CDC20B: variants seen among roughly 807,000 people sequenced by gnomAD.
The protein encoded by CDC20B is cell division cycle 20B.
CDC20B carries 58 observed loss-of-function variants against 64.1 expected under a neutral mutation model. That is an observed-to-expected ratio of 0.90 (90% confidence interval 0.73 to 1.13). The LOEUF (loss-of-function observed/expected upper bound fraction) is 1.13, where lower values mean the gene tolerates loss of function less well. Ranked by LOEUF, CDC20B falls within the 50% of genes most tolerant of loss-of-function variation. CDC20B has a pLI of 0.00. For missense variants in CDC20B, 597 were observed against 633.0 expected, an observed-to-expected ratio of 0.94 and a Z score of 0.61; for synonymous variants, 243 against 230.6, an observed-to-expected ratio of 1.05 and a Z score of -0.49.
intron 11 of CDC20B, among the ~76,000 whole-genome samples, 154 bp downstream of exon 11, chr5:55,119,647 C>T (rs1248789602): frequency 6.6e-6 from 1 of 152,164 alleles, no homozygotes; most frequent in Non-Finnish European, 1.5e-5. Flanking sequence ...CAACTATACG[C>T]TCTCTGAGGT....
intron 8 of CDC20B, among the ~76,000 whole-genome samples, chr5:55,126,896 T>G (rs1742906850): frequency 1.3e-5 from 2 of 152,244 alleles, no homozygotes; most frequent in Non-Finnish European, 2.9e-5. Flanking sequence ...CCCAGAGAGC[T>G]TAACATATTC....
intron 2 of CDC20B, among the ~76,000 whole-genome samples, chr5:55,155,798 C>A (rs1025451677): frequency 6.6e-6 from 1 of 152,200 alleles, no homozygotes; most frequent in Admixed American, 6.5e-5. Flanking sequence ...TAAGACTCTT[C>A]GCCTATCATC....
chr5:55,134,555 A>G (rs565155918), intron 5 of CDC20B, among the ~76,000 whole-genome samples: 108 of 152,250 alleles, frequency 7.1e-4, no homozygotes, highest in African/African-American at 2.5e-3. Context: ...TGAGCCCAGG[A>G]GTTTGAGACC....
intron 3 of CDC20B, among the ~76,000 whole-genome samples, chr5:55,145,652 T>C (rs1042348441): frequency 4.6e-5 from 7 of 152,150 alleles, no homozygotes; most frequent in African/African-American, 9.7e-5. Context: ...TGCCCCAACA[T>C]AGGCATCAGA....
intron 2 of CDC20B, among the ~76,000 whole-genome samples, chr5:55,147,383 A>ATATATT (rs1040087921): frequency 7.0e-6 from 1 of 142,730 alleles, no homozygotes; most frequent in African/African-American, 2.5e-5. Context: ...GTTATGTTTT[A>ATATATT]TATATTTATA....
At chr5:55,162,635 C>T (rs556531595) in intron 2 of CDC20B, among the ~76,000 whole-genome samples, 38 of 152,362 alleles carry the variant, frequency 2.5e-4, no homozygotes, top group Admixed American at 3.3e-4. Context: ...TAATGCCTAA[C>T]GCCATAAATG....
chr5:55,146,022 T>C (rs142999092), intron 3 of CDC20B, among the ~76,000 whole-genome samples: 7 of 152,298 alleles, frequency 4.6e-5, no homozygotes, highest in African/African-American at 1.7e-4. Flanking sequence ...CATATATACA[T>C]ATACATTCAT....
chr5:55,143,235 A>AT (rs2111873965), intron 4 of CDC20B, among the ~76,000 whole-genome samples: 1 of 152,334 alleles, frequency 6.6e-6, no homozygotes, highest in Non-Finnish European at 1.5e-5. Context: ...ATTTCATTAT[A>AT]TTTTTAACCT....
intron 2 of CDC20B, among the ~76,000 whole-genome samples, chr5:55,157,907 A>G (rs1239145498): frequency 6.6e-6 from 1 of 152,208 alleles, no homozygotes; most frequent in Non-Finnish European, 1.5e-5. Context: ...CACGGCTCAA[A>G]TTACAGCAGG....
intron 8 of CDC20B, chr5:55,126,543 G>GA (rs1742899721): frequency 5.3e-6 from 1 of 190,282 alleles, no homozygotes; most frequent in South Asian, 6.6e-5. Flanking sequence ...ACTACAATAT[G>GA]AAAATGAATG....
At chr5:55,144,008 A>C (rs548456357) in intron 3 of CDC20B, among the ~76,000 whole-genome samples, 20 of 152,264 alleles carry the variant, frequency 1.3e-4, no homozygotes, top group Non-Finnish European at 2.4e-4. Context: ...AAAAAAAAAA[A>C]AAACCAGATT....
At position 55,173,038 on chromosome 5, in the gene CDC20B, C is replaced by G. The variant is rs1346125984; in HGVS notation, c.-38G>C. ...TCGCCCTGCCTGGCGTTTGGCCTCT[C>G]TGCTCGACTGCCTCTGGTTTTCTTC... On this transcript the variant is annotated 5_prime_UTR_variant, in exon 1 of 12. Transcript: ENST00000381375. 3.8e-6 allele frequency: 6 copies of G among 1,571,770 alleles called. No homozygotes were observed. In the Admixed American group the frequency reaches 8.8e-5, roughly 23 times the overall value.
At chr5:55,167,176 GT>G (rs1360980052) in intron 2 of CDC20B, 2 of 152,198 alleles carry the variant, frequency 1.3e-5, no homozygotes, top group African/African-American at 2.4e-5. Context: ...CTGACTTGAA[GT>G]TTGCTTTGTT....
intron 11 of CDC20B, among the ~76,000 whole-genome samples, chr5:55,115,529 G>T (rs1230128566): frequency 6.6e-6 from 1 of 152,152 alleles, no homozygotes; most frequent in Non-Finnish European, 1.5e-5. Context: ...TGACTTTAAT[G>T]ATCAAAACTT....
chr5:55,135,590 C>G (rs10079928), intron 5 of CDC20B, among the ~76,000 whole-genome samples: 3,851 of 152,140 alleles, frequency 0.025, 186 homozygotes, highest in African/African-American at 0.088. Context: ...ATTTTTTTCC[C>G]CTTTTTACTG....
intron 2 of CDC20B, among the ~76,000 whole-genome samples, chr5:55,162,795 A>G (rs1158765148): frequency 6.6e-6 from 1 of 152,250 alleles, no homozygotes; most frequent in Non-Finnish European, 1.5e-5. Context: ...CTTTATCACT[A>G]CAAACCTTCT....
chr5:55,120,569 T>G lies in CDC20B; in HGVS notation c.1216-19A>C. 1 of 1,611,658 alleles carries G rather than the reference T, an allele frequency of 6.2e-7. No individual in the cohort carries two copies. The highest frequency in any genetic ancestry group is 1.7e-5 in the Admixed American group (1 of 59,858). ...CCATGGCCTTTAAAGTTTCACATAA[T>G]AGCACAGACAGGTCAGCTTCAAAGG... On this transcript the variant is annotated intron_variant, in intron 9 of 11. Transcript: ENST00000381375.
intron 2 of CDC20B, among the ~76,000 whole-genome samples, chr5:55,153,916 A>G (rs1221093200): frequency 6.6e-6 from 1 of 152,236 alleles, no homozygotes; most frequent in Non-Finnish European, 1.5e-5. Flanking sequence ...CTACAATATG[A>G]GCAAACAGTA....
At chr5:55,142,245 G>A (rs999252860) in intron 4 of CDC20B, among the ~76,000 whole-genome samples, 2 of 152,140 alleles carry the variant, frequency 1.3e-5, no homozygotes, top group Non-Finnish European at 2.9e-5. Flanking sequence ...GATGATCAGT[G>A]AGGACCACAT....
Sources: gnomAD v4.1 joint callset for allele counts (sites outside exome capture counted in the v4.1 genomes callset) on GRCh38, gnomAD v4.1.1 for gene constraint, MANE v1.5 for transcripts, NCBI Gene and HGNC (gene_info 2026-07-23, HGNC 2026-07-21) for gene names.